Variants in UGGT2 observed in about 807,000 individuals in gnomAD.
The protein encoded by UGGT2 is UDP-glucose:glycoprotein glucosyltransferase 2.
In UGGT2, 180 loss-of-function variants were observed where a neutral mutation model predicts 192.1. The observed-to-expected ratio is 0.94, with a 90% CI of 0.83 to 1.06. The LOEUF is 1.06. Ranked by LOEUF, UGGT2 falls within the 50% of genes least tolerant of loss-of-function variation. UGGT2 has a pLI of 0.00. For missense variants in UGGT2, 1,849 were observed against 1,795.7 expected, an observed-to-expected ratio of 1.03 and a Z score of -0.54; for synonymous variants, 580 against 591.0, an observed-to-expected ratio of 0.98 and a Z score of 0.27.
chr13:95,955,521 G>A (rs767080716), intron 12 of UGGT2, among the ~76,000 whole-genome samples: 3 of 152,132 alleles, frequency 2.0e-5, no homozygotes, highest in Non-Finnish European at 4.4e-5. Flanking sequence ...ATACTTCTGA[G>A]TATACGAAAT....
intron 31 of UGGT2, among the ~76,000 whole-genome samples, chr13:95,861,848 GA>G (rs1456157158): frequency 3.3e-5 from 5 of 149,460 alleles, no homozygotes; most frequent in Admixed American, 3.3e-4. Flanking sequence ...AAACTAAGAT[GA>G]AAAAAGTCAA....
At chr13:95,816,688 C>A (rs1884932274) in intron 38 of UGGT2, among the ~76,000 whole-genome samples, 1 of 152,162 alleles carries the variant, frequency 6.6e-6, no homozygotes, top group Non-Finnish European at 1.5e-5. Flanking sequence ...ACTGTTACAA[C>A]AGAAAGCAGC....
At chr13:95,872,647 A>G (rs191161990) in intron 29 of UGGT2, among the ~76,000 whole-genome samples, 34 of 152,272 alleles carry the variant, frequency 2.2e-4, no homozygotes, top group African/African-American at 7.9e-4. Context: ...TTTATTGTTT[A>G]TAAGTAATAC....
Position 96,040,557 on chromosome 13 carries a change from AGGCCAGCATTCAACC to A in UGGT2, c.159-8601_159-8587del, listed in dbSNP as rs1359661017. ...GTTAGGATGTGGACATATCTTTTTG[AGGCCAGCATTCAACC>A]TACTACAGATGCCCCTTGACTTAGG... is the stretch of plus-strand genomic sequence containing the variant. On this transcript the variant is annotated intron_variant, in intron 1 of 38. Transcript: ENST00000376747. 6.6e-5 allele frequency among the ~76,000 whole-genome samples: 10 copies of A among 152,290 alleles called. No individual in the cohort carries two copies. In the East Asian group the frequency reaches 1.3e-3, roughly 21 times the overall value.
Position 95,859,509 on chromosome 13 carries a change from G to T in UGGT2, c.3825+82C>A, listed in dbSNP as rs1889948603. The T allele has an allele frequency of 3.5e-6, 4 of 1,130,162 alleles. No homozygotes were observed. In the South Asian group the frequency reaches 6.0e-5, roughly 17 times the overall value. The allele number at this position is 1,130,162 out of a possible 1,614,324, so 70.0% of individuals were successfully genotyped here. ...TTTCAAAAAGCTTATTCTGAAAAGA[G>T]AAATATCATATAAACTTACAATGAT... On this transcript the variant is annotated intron_variant, in intron 33 of 38. Coordinates refer to ENST00000376747, the MANE Select transcript of UGGT2 (RefSeq NM_020121.4).
At chr13:95,923,366 T>G (rs1277500812) in intron 20 of UGGT2, among the ~76,000 whole-genome samples, 1 of 112,808 alleles carries the variant, frequency 8.9e-6, no homozygotes, top group Non-Finnish European at 1.9e-5. Context: ...GCTCAGCATA[T>G]TCTTTTTTTT....
intron 36 of UGGT2, among the ~76,000 whole-genome samples, chr13:95,849,255 G>C (rs1888774248): frequency 1.3e-5 from 2 of 151,978 alleles, no homozygotes; most frequent in Admixed American, 1.3e-4. Flanking sequence ...TTTATCTTAT[G>C]GCCAGGCACA....
chr13:96,048,459 C>T (rs2053384806), intron 1 of UGGT2, among the ~76,000 whole-genome samples: 1 of 152,044 alleles, frequency 6.6e-6, no homozygotes, highest in African/African-American at 2.4e-5. Context: ...CAAAAGCTAG[C>T]AGAAGGCAAG....
At chr13:95,908,059 G>A (rs1413421537) in intron 20 of UGGT2, among the ~76,000 whole-genome samples, 4 of 152,164 alleles carry the variant, frequency 2.6e-5, no homozygotes, top group African/African-American at 4.8e-5. Flanking sequence ...CTTAAATGAC[G>A]TGATGGAGCT....
rs1251586509 is a variant in UGGT2 at position 96,001,611 on chromosome 13, T to C, written c.661-2304A>G. ...AGATGGGCATAGCTCCCCAGGGGCATGTTAGAACCACTTGGGAGAACATTT... is the reference window on the plus strand; with the variant it reads ...AGATGGGCATAGCTCCCCAGGGGCACGTTAGAACCACTTGGGAGAACATTT... On this transcript the variant is annotated intron_variant, in intron 5 of 38. Transcript: ENST00000376747. 2.0e-5 allele frequency among the ~76,000 whole-genome samples: 3 copies of C among 152,174 alleles called. No homozygotes were observed. The South Asian group carries it at 6.2e-4, about 32-fold the overall frequency.
chr13:95,809,416 T>G (rs1884471390), intron 38 of UGGT2: 1 of 390,538 alleles, frequency 2.6e-6, no homozygotes, highest in Admixed American at 3.3e-5. Context: ...GATTAGCCAC[T>G]TCAGCCCATT....
rs576617611 is a variant in UGGT2, at chr13:95,974,809, C to T, written c.1093-2138G>A. On this transcript the variant is annotated intron_variant, in intron 10 of 38. Transcript: ENST00000376747. ...TAAATATTAATAATGAGACTGGGTGCGGTGGCTCACACCTGTTATCCCAGC... is the reference window on the plus strand; with the variant it reads ...TAAATATTAATAATGAGACTGGGTGTGGTGGCTCACACCTGTTATCCCAGC... 6.6e-5 allele frequency among the ~76,000 whole-genome samples: 10 copies of T among 152,126 alleles called. No homozygotes were observed. In the East Asian group the frequency reaches 7.8e-4, roughly 12 times the overall value.
At chr13:95,807,715 C>CTTTTTTTTTT (rs200081851) in intron 38 of UGGT2, among the ~76,000 whole-genome samples, 2 of 48,040 alleles carry the variant, frequency 4.2e-5, no homozygotes, top group Admixed American at 1.5e-4. Flanking sequence ...TCAGCCCTCA[C>CTTTTTTTTTT]CTTTTTTTTT....
Position 95,990,066 on chromosome 13 carries a change from A to C in UGGT2, c.838T>G (p.Tyr280Asp). Residue 280 changes from tyrosine to aspartate, a missense_variant, in exon 8 of 39, where the codon TAT becomes GAT. Transcript: ENST00000376747. Reference sequence around the variant, plus strand: ...GTCAGATTATCTCTAAGATCTGAATATATTTCTCTGCATCAAAATATTAAG... The same window carrying C: ...GTCAGATTATCTCTAAGATCTGAATCTATTTCTCTGCATCAAAATATTAAG... Reference protein sequence around the residue: ...GFLFGKLKEIYSDLRDNLTAF... With the variant: ...GFLFGKLKEIDSDLRDNLTAF... The C allele has an allele frequency of 2.5e-6, 4 of 1,589,772 alleles. No individual in the cohort carries two copies. Among genetic ancestry groups the C allele is most frequent in the Non-Finnish European group, 3.4e-6 (4 of 1,166,554 alleles).
At chr13:96,012,646 T>C (rs898602907) in intron 5 of UGGT2, among the ~76,000 whole-genome samples, 1 of 152,086 alleles carries the variant, frequency 6.6e-6, no homozygotes, top group Non-Finnish European at 1.5e-5. Context: ...ATATAAATCT[T>C]AATAATTTGG....
rs996730327 is a variant in UGGT2 at position 95,854,490 on chromosome 13, T to C, written c.4009-15A>G. 37 of 1,590,006 alleles carry C rather than the reference T, an allele frequency of 2.3e-5. 1 individual carries two copies. Among genetic ancestry groups the C allele is most frequent in the Non-Finnish European group, 2.6e-5 (30 of 1,169,680 alleles). ...TGTCTCACAATCTAAATAATTAAAA[T>C]AGACTGTCTGATAAAGACTGTAAAA... On this transcript the variant is annotated splice_polypyrimidine_tract_variant and intron_variant, in intron 34 of 38. Transcript: ENST00000376747.
rs2047693083 is a variant in UGGT2 at position 95,887,991 on chromosome 13, ATG to A, written c.2959-22_2959-21del. The stretch of plus-strand genomic sequence containing the variant: ...AAGTACCTATTGGAAAGAAATTCCC[ATG>A]TTTGATATTAAATAATATTAATAGC... On this transcript the variant is annotated intron_variant, in intron 25 of 38. Coordinates refer to ENST00000376747, the MANE Select transcript of UGGT2 (RefSeq NM_020121.4). 1 of 1,501,394 alleles carries A rather than the reference ATG, an allele frequency of 6.7e-7. No individual in the cohort carries two copies. The highest frequency in any genetic ancestry group is 9.2e-7 in the Non-Finnish European group (1 of 1,089,826). The allele number at this position is 1,501,394 out of a possible 1,614,324, so 93.0% of individuals were successfully genotyped here.
intron 38 of UGGT2, among the ~76,000 whole-genome samples, chr13:95,814,965 G>A (rs997075598): frequency 1.3e-5 from 2 of 152,076 alleles, no homozygotes; most frequent in Admixed American, 6.5e-5. Context: ...TTAACTACAA[G>A]AGAAAAGCCA....
chr13:95,942,221 G>GGTGT (rs370041064), intron 15 of UGGT2, among the ~76,000 whole-genome samples: 2,108 of 117,884 alleles, frequency 0.018, 23 homozygotes, highest in African/African-American at 0.034. Flanking sequence ...TTAGGGTGAG[G>GGTGT]GTGTGTGTGT....
Sources: gnomAD v4.1 joint callset for allele counts (sites outside exome capture counted in the v4.1 genomes callset) on GRCh38, gnomAD v4.1.1 for gene constraint, MANE v1.5 for transcripts, NCBI Gene and HGNC (gene_info 2026-07-23, HGNC 2026-07-21) for gene names.